The following PVT1 variants were observed in gnomAD, a reference collection of about 807,000 sequenced individuals.
The protein encoded by PVT1 is Pvt1 oncogene, also known as CXCR4/PVT1 fusion.
chr8:127,998,660 TTTCC>T lies in PVT1; in HGVS notation n.912+9382_912+9385del, dbSNP rs200523934. 5.5e-3 allele frequency among the ~76,000 whole-genome samples: 819 copies of T among 149,800 alleles called. 4 individuals carry two copies. Among genetic ancestry groups the T allele is most frequent in the Non-Finnish European group, 8.0e-3 (540 of 67,162 alleles). On this transcript the variant is annotated intron_variant and non_coding_transcript_variant, in intron 4 of 10. Coordinates refer to ENST00000651587, the Ensembl canonical transcript of PVT1. ...CTCCTTCCTTCCTTTTTCTTCCTTTTTTCCTTCCTTCCTTCCCTCCCTTCCTCTT... is the reference window on the plus strand; with the variant it reads ...CTCCTTCCTTCCTTTTTCTTCCTTTTTTCCTTCCTTCCCTCCCTTCCTCTT...
intron 2 of PVT1, among the ~76,000 whole-genome samples, chr8:127,889,641 T>A (rs972012578): frequency 6.6e-6 from 1 of 152,116 alleles, no homozygotes; most frequent in African/African-American, 2.4e-5. Flanking sequence ...TGGGCAGGAA[T>A]CCCTCACTAG....
intron 4 of PVT1, among the ~76,000 whole-genome samples, chr8:128,020,407 CATGAAAGATTGTAAGTGTG>C (rs1817419815): frequency 6.6e-6 from 1 of 152,162 alleles, no homozygotes; most frequent in Admixed American, 6.5e-5. Context: ...AAGAAAATGC[CATGAAAGATTGTAAGTGTG>C]AGAAGGAGTT....
intron 3 of PVT1, among the ~76,000 whole-genome samples, chr8:127,978,902 T>A (rs1816853158): frequency 6.6e-6 from 1 of 152,092 alleles, no homozygotes; most frequent in Admixed American, 6.5e-5. Context: ...GCTGCCTTGC[T>A]AATGTATTTA....
At chr8:128,078,153 A>G (rs1213254603) in intron 5 of PVT1, among the ~76,000 whole-genome samples, 1 of 152,158 alleles carries the variant, frequency 6.6e-6, no homozygotes, top group Non-Finnish European at 1.5e-5. Flanking sequence ...ACACGTTGGA[A>G]GATGTAGGGT....
intron 5 of PVT1, among the ~76,000 whole-genome samples, chr8:128,089,396 G>T (rs929383600): frequency 1.3e-5 from 2 of 152,098 alleles, no homozygotes; most frequent in Non-Finnish European, 2.9e-5. Flanking sequence ...TCAGTCATGT[G>T]GGGTCCACCG....
chr8:127,890,706 C>T (rs1815590202), exon 3 of PVT1: 1 of 152,226 alleles, frequency 6.6e-6, no homozygotes, highest in African/African-American at 2.4e-5. Context: ...CAGTGATCTT[C>T]AGTGGTCTGG....
chr8:127,855,020 A>C, intron 2 of PVT1: 2 of 395,242 alleles, frequency 5.1e-6, no homozygotes, highest in Non-Finnish European at 8.9e-6. Context: ...CAGAGTTAGA[A>C]AGCAGCATGT....
chr8:127,859,286 G>T (rs1815194496), intron 2 of PVT1, among the ~76,000 whole-genome samples: 1 of 152,048 alleles, frequency 6.6e-6, no homozygotes, highest in South Asian at 2.1e-4. Flanking sequence ...CCAGGTCTGG[G>T]CTTCTTATCT....
At chr8:128,090,806 G>A (rs897053865) in intron 5 of PVT1, among the ~76,000 whole-genome samples, 3 of 152,156 alleles carry the variant, frequency 2.0e-5, no homozygotes, top group Non-Finnish European at 2.9e-5. Flanking sequence ...CCAGTGAGCA[G>A]CAGTGGAGCT....
chr8:127,972,456 C>G (rs553699849), intron 3 of PVT1, among the ~76,000 whole-genome samples: 1 of 152,290 alleles, frequency 6.6e-6, no homozygotes, highest in Admixed American at 6.5e-5. Context: ...GTGCCCCAAC[C>G]CAGTGGCACA....
At chr8:127,979,532 A>G (rs1292042794) in intron 3 of PVT1, among the ~76,000 whole-genome samples, 2 of 152,354 alleles carry the variant, frequency 1.3e-5, no homozygotes, top group Non-Finnish European at 2.9e-5. Flanking sequence ...GATGTTTATT[A>G]TGGGATTCCT....
chr8:128,027,508 C>T (rs973008410), intron 4 of PVT1, among the ~76,000 whole-genome samples: 5 of 152,056 alleles, frequency 3.3e-5, no homozygotes, highest in African/African-American at 4.8e-5. Context: ...TAGTGAATGA[C>T]GGGCACTGAG....
At chr8:128,085,282 G>A (rs193142734) in intron 5 of PVT1, among the ~76,000 whole-genome samples, 7 of 152,164 alleles carry the variant, frequency 4.6e-5, no homozygotes, top group East Asian at 1.9e-4. Context: ...TCCGCGGCCC[G>A]GCTGACATCT....
At chr8:127,845,992 G>C (rs931792581) in intron 2 of PVT1, among the ~76,000 whole-genome samples, 1 of 152,224 alleles carries the variant, frequency 6.6e-6, no homozygotes, top group Non-Finnish European at 1.5e-5. Flanking sequence ...CAGGAAGGCT[G>C]TGCTGGCCCT....
At position 127,900,304 on chromosome 8, in the gene PVT1, G is replaced by A. The variant is rs549341413; in HGVS notation, n.782+9306G>A. Reference sequence around the variant, plus strand: ...GATCCCCCCACCTCGGCCTCCCAAAGTGCTGGGATTACAGGCATGAGCCAC... The same window carrying A: ...GATCCCCCCACCTCGGCCTCCCAAAATGCTGGGATTACAGGCATGAGCCAC... On this transcript the variant is annotated intron_variant and non_coding_transcript_variant, in intron 3 of 10. Transcript: ENST00000651587. Among the ~76,000 whole-genome samples the A allele has an allele frequency of 8.6e-4, 131 of 151,966 alleles. 1 individual carries two copies. Among genetic ancestry groups the A allele is most frequent in the Non-Finnish European group, 1.5e-3 (103 of 68,004 alleles).
At chr8:128,064,715 CAT>C (rs966610988) in intron 4 of PVT1, among the ~76,000 whole-genome samples, 3 of 152,180 alleles carry the variant, frequency 2.0e-5, no homozygotes, top group African/African-American at 7.2e-5. Flanking sequence ...TGAGAACAAA[CAT>C]GTAAAATTCT....
At chr8:127,997,419 C>T (rs1213192731) in intron 4 of PVT1, among the ~76,000 whole-genome samples, 1 of 152,152 alleles carries the variant, frequency 6.6e-6, no homozygotes, top group Non-Finnish European at 1.5e-5. Context: ...TCCCTCCCAG[C>T]TTCGACATTA....
intron 4 of PVT1, among the ~76,000 whole-genome samples, chr8:128,033,681 C>T (rs117382031): frequency 3.3e-5 from 5 of 152,186 alleles, no homozygotes; most frequent in Admixed American, 3.3e-4. Context: ...GCGAAATCTC[C>T]AGCCTTGAGA....
chr8:127,893,814 G>A (rs1018063234), intron 3 of PVT1, among the ~76,000 whole-genome samples: 5 of 152,144 alleles, frequency 3.3e-5, no homozygotes, highest in African/African-American at 1.2e-4. Flanking sequence ...AAGGGGCACT[G>A]TATCACTTAC....
Sources: gnomAD v4.1 joint callset for allele counts (sites outside exome capture counted in the v4.1 genomes callset) on GRCh38, gnomAD v4.1.1 for gene constraint, MANE v1.5 for transcripts, NCBI Gene and HGNC (gene_info 2026-07-23, HGNC 2026-07-21) for gene names.